CSMD2: variants seen among roughly 807,000 people sequenced by gnomAD.
The protein encoded by CSMD2 is CUB and Sushi multiple domains 2.
Under a neutral mutation model 398.5 loss-of-function variants are expected in CSMD2, and 130 were observed. The observed-to-expected ratio is 0.33, with a 90% CI of 0.28 to 0.38. CSMD2 has a LOEUF of 0.38. Ranked by LOEUF, CSMD2 falls within the 10% of genes least tolerant of loss-of-function variation. CSMD2 has a pLI of 1.00. For missense variants in CSMD2, 3,829 were observed against 4,764.9 expected, an observed-to-expected ratio of 0.80 and a Z score of 5.78; for synonymous variants, 1,828 against 1,908.5, an observed-to-expected ratio of 0.96 and a Z score of 1.10.
intron 3 of CSMD2, among the ~76,000 whole-genome samples, chr1:33,989,440 C>G (rs1646475581): frequency 6.6e-6 from 1 of 152,088 alleles, no homozygotes; most frequent in Admixed American, 6.6e-5. Context: ...TAAACATACA[C>G]TTACCACACA....
rs59909062 is a variant in CSMD2, at chr1:34,096,420, G to A, written c.188-7227C>T. Reference sequence around the variant, plus strand: ...TGGAAGCTCTGGCCAGGGCAATTAGGCAGGAGAAGGAAATAAAGGGTATTC... The same window carrying A: ...TGGAAGCTCTGGCCAGGGCAATTAGACAGGAGAAGGAAATAAAGGGTATTC... On this transcript the variant is annotated intron_variant, in intron 1 of 70. Coordinates refer to ENST00000373381, the MANE Select transcript of CSMD2 (RefSeq NM_001281956.2). Among the ~76,000 whole-genome samples, 1,054 of 151,234 alleles carry A rather than the reference G, an allele frequency of 7.0e-3. 10 individuals are homozygous for A. Among genetic ancestry groups the A allele is most frequent in the African/African-American group, 0.023 (953 of 40,682 alleles).
chr1:33,847,130 G>T, intron 5 of CSMD2, 134 bp from the exon 6 acceptor site: 1 of 567,314 alleles, frequency 1.8e-6, no homozygotes, highest in Non-Finnish European at 3.1e-6. Context: ...GGAAGGCGGT[G>T]TTGCCCCAGG....
intron 3 of CSMD2, among the ~76,000 whole-genome samples, chr1:33,937,316 G>A (rs1644510990): frequency 6.6e-6 from 1 of 152,152 alleles, no homozygotes; most frequent in South Asian, 2.1e-4. Flanking sequence ...CCTGGAGGAG[G>A]TGACATCTCT....
At chr1:33,728,254 G>A (rs568767229) in intron 15 of CSMD2, among the ~76,000 whole-genome samples, 6 of 152,136 alleles carry the variant, frequency 3.9e-5, no homozygotes, top group Admixed American at 2.6e-4. Flanking sequence ...GAGCTACATA[G>A]CACTTCTCTC....
intron 5 of CSMD2, among the ~76,000 whole-genome samples, chr1:33,913,818 G>A (rs919375539): frequency 6.6e-6 from 1 of 151,956 alleles, no homozygotes; most frequent in African/African-American, 2.4e-5. Flanking sequence ...TTTTAATCTG[G>A]GGATGGTTCT....
intron 41 of CSMD2, among the ~76,000 whole-genome samples, chr1:33,609,616 T>C (rs1165035975): frequency 1.3e-5 from 2 of 152,232 alleles, no homozygotes; most frequent in African/African-American, 4.8e-5. Flanking sequence ...TTCTTTCTTG[T>C]ATTTTTCTTT....
chr1:34,144,023 AT>A (rs2148533481), intron 1 of CSMD2, among the ~76,000 whole-genome samples: 1 of 152,276 alleles, frequency 6.6e-6, no homozygotes, highest in South Asian at 2.1e-4. Context: ...TTAACAATTT[AT>A]TTTCTTATTT....
intron 10 of CSMD2, among the ~76,000 whole-genome samples, chr1:33,808,626 A>G (rs533066141): frequency 6.1e-4 from 93 of 152,058 alleles, no homozygotes; most frequent in Non-Finnish European, 1.2e-3. Flanking sequence ...GTAGCCTTTG[A>G]TGCTTAAATC....
intron 1 of CSMD2, among the ~76,000 whole-genome samples, chr1:34,160,494 T>C (rs1410992699): frequency 6.6e-6 from 1 of 152,122 alleles, no homozygotes; most frequent in African/African-American, 2.4e-5. Flanking sequence ...GGACCAGATG[T>C]CTTTGTCATC....
chr1:33,911,948 G>A (rs1023143172), intron 5 of CSMD2, among the ~76,000 whole-genome samples: 3 of 152,192 alleles, frequency 2.0e-5, no homozygotes, highest in Non-Finnish European at 4.4e-5. Flanking sequence ...AGGAGGACTA[G>A]GCAGAAGCCC....
intron 49 of CSMD2, among the ~76,000 whole-genome samples, chr1:33,576,254 T>A (rs1660061121): frequency 6.6e-6 from 1 of 152,210 alleles, no homozygotes; most frequent in Non-Finnish European, 1.5e-5. Context: ...AATTTTCTCA[T>A]AATGCTGTGC....
chr1:33,796,580 T>TCA (rs1257567893), intron 10 of CSMD2, among the ~76,000 whole-genome samples: 1 of 152,202 alleles, frequency 6.6e-6, no homozygotes, highest in African/African-American at 2.4e-5. Flanking sequence ...AGAGTATACA[T>TCA]CACCTCAGGA....
intron 25 of CSMD2, among the ~76,000 whole-genome samples, chr1:33,664,269 T>C (rs1644237479): frequency 6.6e-6 from 1 of 152,130 alleles, no homozygotes; most frequent in South Asian, 2.1e-4. Flanking sequence ...CACGCAAATA[T>C]ATTGTTCCCT....
intron 32 of CSMD2, 95 bp from the exon 33 acceptor site, chr1:33,626,676 C>A (rs1366445750): frequency 9.2e-6 from 7 of 763,226 alleles, no homozygotes; most frequent in Non-Finnish European, 1.0e-5. Flanking sequence ...CTGCCAGTAC[C>A]CCATGCAGCA....
intron 12 of CSMD2, among the ~76,000 whole-genome samples, chr1:33,780,772 G>GGCTC (rs1297842332): frequency 6.6e-6 from 1 of 152,174 alleles, no homozygotes; most frequent in Non-Finnish European, 1.5e-5. Flanking sequence ...GCTCAACTTT[G>GGCTC]GCTCCCAGTG....
At chr1:33,620,321 T>C (rs551741909) in intron 37 of CSMD2, among the ~76,000 whole-genome samples, 2 of 152,336 alleles carry the variant, frequency 1.3e-5, no homozygotes, top group Admixed American at 6.5e-5. Flanking sequence ...GTGAGCTCTT[T>C]GTAGATTATC....
intron 5 of CSMD2, among the ~76,000 whole-genome samples, chr1:33,867,877 C>T (rs192178422): frequency 6.6e-6 from 1 of 152,256 alleles, no homozygotes; most frequent in East Asian, 1.9e-4. Flanking sequence ...CACAGCTAGG[C>T]CCCAGCTCTC....
chr1:34,151,817 C>CCCT (rs941180367), intron 1 of CSMD2, among the ~76,000 whole-genome samples: 3 of 147,130 alleles, frequency 2.0e-5, no homozygotes, highest in African/African-American at 7.6e-5. Context: ...CCCTCCCTCC[C>CCCT]CCCCCTTCTC....
intron 5 of CSMD2, among the ~76,000 whole-genome samples, chr1:33,891,137 T>G (rs566863695): frequency 2.6e-5 from 4 of 151,550 alleles, no homozygotes; most frequent in Non-Finnish European, 5.9e-5. Context: ...AGAAAATTTT[T>G]GCAACCTACT....
Sources: allele counts gnomAD v4.1 joint callset (sites outside exome capture counted in the v4.1 genomes callset), GRCh38; gene constraint gnomAD v4.1.1; transcripts MANE v1.5; gene names NCBI Gene and HGNC (gene_info 2026-07-23, HGNC 2026-07-21).